KIRREL1: variants seen among roughly 807,000 people sequenced by gnomAD.
KIRREL1 encodes the protein kirre like nephrin family adhesion molecule 1, also known as kin of IRRE-like protein 1.
Under a neutral mutation model 83.3 loss-of-function variants are expected in KIRREL1, and 25 were observed. The observed-to-expected ratio is 0.30, with a 90% confidence interval of 0.22 to 0.42. The LOEUF (loss-of-function observed/expected upper bound fraction) is 0.42, where lower values mean the gene tolerates loss of function less well. Ranked by LOEUF, KIRREL1 falls within the 10% of genes least tolerant of loss-of-function variation. KIRREL1 has a pLI of 1.00. For missense variants in KIRREL1, 812 were observed against 1,032.3 expected (o/e 0.79, Z 2.92); for synonymous variants, 388 against 410.4 (o/e 0.95, Z 0.66).
chr1:158,053,857 T>G (rs1660971247), intron 1 of KIRREL1, among the ~76,000 whole-genome samples: 1 of 152,146 alleles, frequency 6.6e-6, no homozygotes, highest in Admixed American at 6.5e-5. Context: ...CTGAATTGAT[T>G]GTTTAGGTTT....
At chr1:158,045,319 T>C (rs1660751402) in intron 1 of KIRREL1, among the ~76,000 whole-genome samples, 1 of 152,264 alleles carries the variant, frequency 6.6e-6, no homozygotes, top group South Asian at 2.1e-4. Context: ...AAGGGCACAG[T>C]CCCCAACAAG....
intron 1 of KIRREL1, among the ~76,000 whole-genome samples, chr1:158,014,156 C>A (rs1262597389): frequency 6.7e-6 from 1 of 148,538 alleles, no homozygotes; most frequent in Non-Finnish European, 1.5e-5. Context: ...AAGTGGAGGG[C>A]AACGAGGAAG....
chr1:158,086,744 A>C lies in KIRREL1; in HGVS notation c.659A>C (p.His220Pro), dbSNP rs1662027207. 2 of 1,537,980 alleles carry C rather than the reference A, an allele frequency of 1.3e-6. No individual in the cohort carries two copies. Among genetic ancestry groups the C allele is most frequent in the Non-Finnish European group, 8.8e-7 (1 of 1,139,500 alleles). The change falls in exon 5 of 15, where the codon CAC (histidine) becomes CCC (proline). Residue 220 changes from histidine to proline, a missense_variant and splice_region_variant. Physicochemically the swap from His to Pro is moderately conservative, Grantham distance 77. This residue lies in a region of KIRREL1 where 472 missense variants were observed against 626.8 expected (regional missense o/e 0.75). Transcript: ENST00000359209. ...GKETSIELDV[H>P]HPPTVTLSIE... ...GAGACTTCCATCGAGCTGGATGTGCACCGTGAGTGGGCTGGGGGGAGCAGT... is the reference window on the plus strand; with the variant it reads ...GAGACTTCCATCGAGCTGGATGTGCCCCGTGAGTGGGCTGGGGGGAGCAGT...
rs1210771314 is a variant in KIRREL1, at chr1:158,096,314, T to A, written c.*1194T>A. 4.6e-5 allele frequency: 16 copies of A among 346,390 alleles called. No individual in the cohort carries two copies. Among genetic ancestry groups the A allele is most frequent in the African/African-American group, 3.4e-4 (16 of 46,550 alleles). 21.5% of individuals were successfully genotyped at this position (346,390 alleles called of 1,614,324 possible). On this transcript the variant is annotated 3_prime_UTR_variant, in exon 15 of 15. Coordinates refer to ENST00000359209, the MANE Select transcript of KIRREL1 (RefSeq NM_018240.7). ...CTCTACTCTCCTATGTCCCATCAGT[T>A]GGTTGGAGGCCACCTTCCAGGGGGT...
chr1:157,996,129 G>A (rs1244848413), intron 1 of KIRREL1, among the ~76,000 whole-genome samples: 1 of 151,840 alleles, frequency 6.6e-6, no homozygotes, highest in Non-Finnish European at 1.5e-5. Context: ...GAATTGAGGG[G>A]AGCAGAGAGG....
chr1:157,996,095 A>C (rs1571520847), intron 1 of KIRREL1, among the ~76,000 whole-genome samples: 1 of 133,438 alleles, frequency 7.5e-6, no homozygotes, highest in African/African-American at 2.9e-5. Context: ...GGGATGGGGG[A>C]GTAGGTGTCA....
At chr1:158,046,854 T>A (rs902727469) in intron 1 of KIRREL1, among the ~76,000 whole-genome samples, 3 of 152,146 alleles carry the variant, frequency 2.0e-5, no homozygotes, top group Non-Finnish European at 4.4e-5. Flanking sequence ...AAGGATTGTG[T>A]GTACTACTAT....
chr1:158,090,647 G>A (rs1265188864), intron 10 of KIRREL1, among the ~76,000 whole-genome samples: 5 of 152,302 alleles, frequency 3.3e-5, no homozygotes, highest in Admixed American at 2.6e-4. Context: ...GGAATGGTCC[G>A]GCTGAGAAGT....
intron 1 of KIRREL1, among the ~76,000 whole-genome samples, chr1:157,995,462 G>A (rs921560935): frequency 1.3e-5 from 2 of 152,146 alleles, no homozygotes; most frequent in African/African-American, 4.8e-5. Flanking sequence ...GTTGGTGTCG[G>A]GGAGGAAGGG....
chr1:158,088,924 A>G (rs1199606500), intron 8 of KIRREL1, among the ~76,000 whole-genome samples: 1 of 151,802 alleles, frequency 6.6e-6, no homozygotes, highest in African/African-American at 2.4e-5. Flanking sequence ...TTATCCCCAC[A>G]TCTTCTCACA....
At chr1:158,046,365 TG>T (rs1558001889) in intron 1 of KIRREL1, among the ~76,000 whole-genome samples, 1 of 152,040 alleles carries the variant, frequency 6.6e-6, no homozygotes, top group African/African-American at 2.4e-5. Context: ...AGACCAAGTT[TG>T]GGGGTGGAAG....
intron 1 of KIRREL1, among the ~76,000 whole-genome samples, chr1:158,020,496 A>G (rs1004116796): frequency 2.0e-5 from 3 of 150,518 alleles, no homozygotes; most frequent in African/African-American, 4.9e-5. Context: ...GCACTAGACT[A>G]TAATGCTACT....
At chr1:158,041,263 C>T (rs1398530171) in intron 1 of KIRREL1, among the ~76,000 whole-genome samples, 1 of 152,170 alleles carries the variant, frequency 6.6e-6, no homozygotes, top group East Asian at 1.9e-4. Context: ...ACTCATTTAT[C>T]CGCATAGGTG....
chr1:158,054,220 A>C (rs1454463930), intron 1 of KIRREL1, among the ~76,000 whole-genome samples: 1 of 25,514 alleles, frequency 3.9e-5, no homozygotes. Context: ...CTCAAAAAAA[A>C]AAAAAAAAAA....
chr1:158,022,069 A>C (rs1660016209), intron 1 of KIRREL1, among the ~76,000 whole-genome samples: 1 of 151,884 alleles, frequency 6.6e-6, no homozygotes, highest in African/African-American at 2.4e-5. Flanking sequence ...GTGGGTAGTT[A>C]TTAAAGCTTT....
At chr1:158,076,989 A>C (rs1180084453) in intron 2 of KIRREL1, among the ~76,000 whole-genome samples, 4 of 152,226 alleles carry the variant, frequency 2.6e-5, no homozygotes. Flanking sequence ...ACCTTCATTT[A>C]CTGTGTGAAG....
chr1:158,056,789 G>C (rs757897817), intron 1 of KIRREL1, among the ~76,000 whole-genome samples: 1 of 152,162 alleles, frequency 6.6e-6, no homozygotes, highest in South Asian at 2.1e-4. Context: ...CTGGGCGGGG[G>C]TGCTGGCAGC....
At chr1:157,994,692 C>G (rs1659143686) in intron 1 of KIRREL1, among the ~76,000 whole-genome samples, 1 of 152,006 alleles carries the variant, frequency 6.6e-6, no homozygotes, top group African/African-American at 2.4e-5. Context: ...TGAACTCCTT[C>G]CCTCCCCAAA....
rs1199839027 is a variant in KIRREL1 at position 158,094,593 on chromosome 1, C to T, written c.1798-51C>T. ...CCAGAAAGCCATGGTGAGACTTGAT[C>T]CCCACCCAAGAGGGAACACTGCCTC... On this transcript the variant is annotated intron_variant, in intron 14 of 14. Transcript: ENST00000359209. This position sits in a 1 kb window ranked among gnomAD's most constrained non-coding sequence, Gnocchi z 4.6. 3 of 1,459,456 alleles carry T rather than the reference C, an allele frequency of 2.1e-6. No individual in the cohort carries two copies. The allele number at this position is 1,459,456 out of a possible 1,614,324, so 90.4% of individuals were successfully genotyped here.
Sources: allele counts gnomAD v4.1 joint callset (sites outside exome capture counted in the v4.1 genomes callset), GRCh38; gene constraint gnomAD v4.1.1; regional missense constraint gnomAD v4.1.1; non-coding constraint Gnocchi (gnomAD v3.1); transcripts MANE v1.5; gene names NCBI Gene and HGNC (gene_info 2026-07-23, HGNC 2026-07-21).